MARCHF4: variants seen among roughly 807,000 people sequenced by gnomAD.
MARCHF4 encodes membrane associated ring-CH-type finger 4.
In MARCHF4, 14 loss-of-function variants were observed where a neutral mutation model predicts 43.9. The ratio of observed to expected loss-of-function variants is 0.32; its 90% CI spans 0.21 to 0.50. The LOEUF is 0.50. Ranked by LOEUF, MARCHF4 falls within the 20% of genes least tolerant of loss-of-function variation. MARCHF4 has a pLI of 0.98. For synonymous variants in MARCHF4, 226 were observed against 213.3 expected, an observed-to-expected ratio of 1.06 and a Z score of -0.52; for missense variants, 468 against 536.7, an observed-to-expected ratio of 0.87 and a Z score of 1.27.
intron 3 of MARCHF4, among the ~76,000 whole-genome samples, chr2:216,259,920 C>T (rs563160598): frequency 6.6e-6 from 1 of 152,334 alleles, no homozygotes; most frequent in Admixed American, 6.5e-5. Flanking sequence ...CCCACTTCTA[C>T]ACCACCCCAC....
chr2:216,296,558 T>G (rs115431389), intron 1 of MARCHF4, among the ~76,000 whole-genome samples: 1,628 of 152,204 alleles, frequency 0.011, 34 homozygotes, highest in African/African-American at 0.037. Context: ...TAGGAGCAAC[T>G]GGGGGTTTTG....
At chr2:216,265,468 A>T (rs1222185455) in intron 3 of MARCHF4, 1 of 152,038 alleles carries the variant, frequency 6.6e-6, no homozygotes, top group East Asian at 1.9e-4. Context: ...AAGTGATATA[A>T]AAGTTACTGA....
At chr2:216,279,855 A>G (rs1183656863) in intron 2 of MARCHF4, among the ~76,000 whole-genome samples, 8 of 152,202 alleles carry the variant, frequency 5.3e-5, no homozygotes. Context: ...TTCATGCACA[A>G]CAAATGCTTT....
Position 216,356,154 on chromosome 2 carries a change from C to T in MARCHF4, c.516+13591G>A, listed in dbSNP as rs139633576. Among the ~76,000 whole-genome samples, 494 of 152,290 alleles carry T rather than the reference C, an allele frequency of 3.2e-3. 1 individual carries two copies. Among genetic ancestry groups the T allele is most frequent in the African/African-American group, 0.011 (475 of 41,556 alleles). ...TGCGAAGGCACTTTTTTGGCGGTGT[C>T]AGGTTAAGAAGTGTTCAAGAACACT... is the stretch of plus-strand genomic sequence containing the variant. On this transcript the variant is annotated intron_variant, in intron 1 of 3. Transcript: ENST00000273067.
chr2:216,360,918 G>A (rs1574488208), intron 1 of MARCHF4, among the ~76,000 whole-genome samples: 1 of 151,812 alleles, frequency 6.6e-6, no homozygotes, highest in South Asian at 2.1e-4. Flanking sequence ...GGGCTCAAAC[G>A]ATCCTCCCAC....
chr2:216,333,960 A>AT (rs72435745), intron 1 of MARCHF4, among the ~76,000 whole-genome samples: 2,063 of 143,960 alleles, frequency 0.014, 31 homozygotes, highest in African/African-American at 0.045. Flanking sequence ...GGCTGAAGTA[A>AT]TTTTTTTTTT....
At chr2:216,363,167 C>T (rs1692613541) in intron 1 of MARCHF4, among the ~76,000 whole-genome samples, 1 of 152,188 alleles carries the variant, frequency 6.6e-6, no homozygotes, top group African/African-American at 2.4e-5. Flanking sequence ...TCATAACTTC[C>T]TGCCCTGCTA....
At chr2:216,264,075 A>C (rs1289203332) in intron 3 of MARCHF4, among the ~76,000 whole-genome samples, 1 of 152,162 alleles carries the variant, frequency 6.6e-6, no homozygotes, top group African/African-American at 2.4e-5. Flanking sequence ...GAGCCTCTTC[A>C]GTCTCCAACA....
chr2:216,299,538 G>T lies in MARCHF4; in HGVS notation c.517-15809C>A, dbSNP rs10172134. On this transcript the variant is annotated intron_variant, in intron 1 of 3. Transcript: ENST00000273067. ...GACTCTTGTATGACTGAAAGACTTT[G>T]TGGTTAAAAACATATCTTAATCTAA... 9.6e-3 allele frequency among the ~76,000 whole-genome samples: 1,464 copies of T among 152,280 alleles called. 19 individuals carry two copies. Among genetic ancestry groups the T allele is most frequent in the African/African-American group, 0.034 (1,397 of 41,542 alleles).
In MARCHF4 at chr2:216,299,822, G is replaced by C. The variant is rs186700089; in HGVS notation, c.517-16093C>G. 2.0e-3 allele frequency among the ~76,000 whole-genome samples: 311 copies of C among 152,334 alleles called. 3 individuals carry two copies. The highest frequency in any genetic ancestry group is 8.8e-4 in the Non-Finnish European group (60 of 68,034). On this transcript the variant is annotated intron_variant, in intron 1 of 3. Transcript: ENST00000273067. ...ACTTGGTTAATCTTGGCTGGACACT[G>C]TCTGATTCAGCATAGGTTGACTGTC...
chr2:216,337,361 T>C (rs1162753871), intron 1 of MARCHF4, among the ~76,000 whole-genome samples: 2 of 152,320 alleles, frequency 1.3e-5, no homozygotes, highest in East Asian at 3.9e-4. Context: ...TCTTGAAAAG[T>C]TCTTCAAGCA....
intron 1 of MARCHF4, among the ~76,000 whole-genome samples, chr2:216,309,699 C>T (rs962384717): frequency 6.6e-6 from 1 of 152,210 alleles, no homozygotes; most frequent in Non-Finnish European, 1.5e-5. Flanking sequence ...AACCATCTTG[C>T]TTCCACATGG....
At chr2:216,302,882 G>C (rs1559093781) in intron 1 of MARCHF4, among the ~76,000 whole-genome samples, 1 of 141,056 alleles carries the variant, frequency 7.1e-6, no homozygotes, top group East Asian at 2.1e-4. Context: ...TGGGTGACAA[G>C]GTGAGACTCT....
chr2:216,298,545 C>T (rs1468182884), intron 1 of MARCHF4, among the ~76,000 whole-genome samples: 1 of 152,116 alleles, frequency 6.6e-6, no homozygotes, highest in East Asian at 1.9e-4. Flanking sequence ...GGATTACAGG[C>T]GTGAGCCACT....
chr2:216,342,571 G>C (rs1692254296), intron 1 of MARCHF4, among the ~76,000 whole-genome samples: 1 of 152,172 alleles, frequency 6.6e-6, no homozygotes, highest in Non-Finnish European at 1.5e-5. Flanking sequence ...ATGGTGGGAA[G>C]GGGTGTGAAC....
intron 2 of MARCHF4, among the ~76,000 whole-genome samples, chr2:216,278,673 C>T (rs1691075857): frequency 6.6e-6 from 1 of 152,050 alleles, no homozygotes; most frequent in Non-Finnish European, 1.5e-5. Flanking sequence ...CTAGAGATTA[C>T]CAGTTCACTA....
chr2:216,349,722 G>A (rs1022467409), intron 1 of MARCHF4, among the ~76,000 whole-genome samples: 1 of 152,176 alleles, frequency 6.6e-6, no homozygotes, highest in Non-Finnish European at 1.5e-5. Context: ...TGGAGATGCA[G>A]GCAGTGGGGA....
At chr2:216,322,145 A>G (rs535711654) in intron 1 of MARCHF4, among the ~76,000 whole-genome samples, 2 of 152,356 alleles carry the variant, frequency 1.3e-5, no homozygotes, top group Non-Finnish European at 1.5e-5. Context: ...AAAGATGTCT[A>G]CAGAAGTCCA....
intron 1 of MARCHF4, among the ~76,000 whole-genome samples, chr2:216,284,446 T>G (rs776628062): frequency 1.8e-4 from 27 of 152,218 alleles, no homozygotes; most frequent in Non-Finnish European, 3.7e-4. Context: ...CAGATGGCCA[T>G]GGCTGAAACC....
Sources: allele counts gnomAD v4.1 joint callset (sites outside exome capture counted in the v4.1 genomes callset), GRCh38; gene constraint gnomAD v4.1.1; transcripts MANE v1.5; gene names NCBI Gene and HGNC (gene_info 2026-07-23, HGNC 2026-07-21).